The following ACO2 variants were observed in gnomAD, a reference collection of about 807,000 sequenced individuals.
ACO2 encodes the protein aconitate hydratase, mitochondrial.
Under a neutral mutation model 84.5 loss-of-function variants are expected in ACO2, and 31 were observed. The ratio of observed to expected loss-of-function variants is 0.37; its 90% CI spans 0.28 to 0.50. The LOEUF (loss-of-function observed/expected upper bound fraction) is 0.50. Ranked by LOEUF, ACO2 falls within the 20% of genes least tolerant of loss-of-function variation. The probability of loss-of-function intolerance (pLI) is 0.97; values close to 1 mark genes in which losing one functional copy is unlikely to be tolerated. For missense variants in ACO2, 685 were observed against 1,029.3 expected, an observed-to-expected ratio of 0.67 and a Z score of 4.58; for synonymous variants, 414 against 412.7, an observed-to-expected ratio of 1.00 and a Z score of -0.04.
In ACO2 at chr22:41,528,647, A is replaced by C; in HGVS notation, c.*34A>C. The stretch of plus-strand genomic sequence containing the variant: ...CCTCCCCGCCCCGCCGCTGGCGTCA[A>C]GTTCAGCTCCACGTGTGCCATCAGT... On this transcript the variant is annotated 3_prime_UTR_variant, in exon 18 of 18. Coordinates refer to ENST00000216254, the MANE Select transcript of ACO2 (RefSeq NM_001098.3). The C allele has an allele frequency of 6.2e-7, 1 of 1,606,962 alleles. No homozygotes were observed. The highest frequency in any genetic ancestry group is 1.7e-5 in the Admixed American group (1 of 59,884).
intron 1 of ACO2, among the ~76,000 whole-genome samples, chr22:41,474,056 G>T (rs970271789): frequency 1.3e-5 from 2 of 152,132 alleles, no homozygotes; most frequent in African/African-American, 4.8e-5. Context: ...AAAGGAGGAG[G>T]CAGGGAGACC....
At chr22:41,500,935 C>T (rs2066349831) in intron 2 of ACO2, among the ~76,000 whole-genome samples, 1 of 152,008 alleles carries the variant, frequency 6.6e-6, no homozygotes, top group African/African-American at 2.4e-5. Context: ...AACTCCTGAC[C>T]TCAGGTGATC....
chr22:41,496,052 C>T (rs1176033936), intron 1 of ACO2, among the ~76,000 whole-genome samples: 4 of 151,928 alleles, frequency 2.6e-5, no homozygotes, highest in East Asian at 1.9e-4. Context: ...TGGCTCACAC[C>T]TGTAATCCCA....
In ACO2 at chr22:41,523,212, T is replaced by C; in HGVS notation, c.1304T>C (p.Ile435Thr). Residue 435 changes from isoleucine to threonine, a missense_variant, in exon 11 of 18, where the codon ATC (isoleucine) becomes ACC (threonine). By Grantham distance (89) the Ile-to-Thr change is moderately conservative. Transcript: ENST00000216254. ...ATIERDGYAQ[I>T]LRDLGGIVLA... ...TTCCTCTCTCCCTGGCAGGCACAGA[T>C]CTTGAGGGATCTGGGTGGCATTGTC... is the stretch of plus-strand genomic sequence containing the variant. 2 of 1,612,776 alleles carry C rather than the reference T, an allele frequency of 1.2e-6. No individual in the cohort carries two copies. Among genetic ancestry groups the C allele is most frequent in the Middle Eastern group, 1.7e-4 (1 of 6,056 alleles).
chr22:41,478,990 T>C (rs530867365), intron 1 of ACO2, among the ~76,000 whole-genome samples: 6 of 152,282 alleles, frequency 3.9e-5, no homozygotes, highest in Admixed American at 2.0e-4. Flanking sequence ...TCCTTGACCT[T>C]CTGCAGGGCA....
intron 1 of ACO2, among the ~76,000 whole-genome samples, chr22:41,470,528 C>CTT (rs71184811): frequency 0.012 from 1,182 of 95,648 alleles, 92 homozygotes; most frequent in Non-Finnish European, 0.019. Context: ...CTCTTTACAT[C>CTT]TTTTTTTTTT....
chr22:41,527,504 C>T lies in ACO2; in HGVS notation c.2086+84C>T, dbSNP rs1255028940. 8 of 1,530,456 alleles carry T rather than the reference C, an allele frequency of 5.2e-6. No individual in the cohort carries two copies. In the African/African-American group the frequency reaches 9.6e-5, roughly 18 times the overall value. 94.8% of individuals were successfully genotyped at this position (1,530,456 alleles called of 1,614,324 possible). On this transcript the variant is annotated intron_variant, in intron 16 of 17. Transcript: ENST00000216254. ...CTCCCTGCCCGTGGCTGAGTTGGGC[C>T]TGGTTCTAGGCTGTGTCCACTGCAG...
Position 41,515,440 on chromosome 22 carries a change from A to C in ACO2, c.589A>C (p.Asn197His), listed in dbSNP as rs777989591. The C allele has an allele frequency of 9.9e-6, 16 of 1,613,718 alleles. No individual in the cohort carries two copies. The highest frequency in any genetic ancestry group is 1.4e-5 in the Non-Finnish European group (16 of 1,179,936). Residue 197 changes from asparagine to histidine, a missense_variant, in exon 5 of 18, where the codon AAT (asparagine) becomes CAT (histidine). Around this residue, in one of 5 missense-constraint regions of ACO2, gnomAD observed 92 missense variants for 203.7 expected, o/e 0.45. Transcript: ENST00000216254. The surrounding 1 kb of genome is among the most constrained non-coding windows in gnomAD (Gnocchi z 5.8). ...LLIGTDSHTP[N>H]GGGLGGICIG... Reference sequence around the variant, plus strand: ...GATTGGCACTGACTCCCACACCCCCAATGGTGGCGGCCTTGGGGGCATCTG... The same window carrying C: ...GATTGGCACTGACTCCCACACCCCCCATGGTGGCGGCCTTGGGGGCATCTG...
At position 41,508,002 on chromosome 22, in the gene ACO2, C is replaced by G; in HGVS notation, c.385C>G (p.Leu129Val). The change falls in exon 3 of 18, where the codon CTG becomes GTG. Residue 129 changes from leucine (L) to valine (V), a missense_variant. Physicochemically the swap from Leu to Val is conservative, Grantham distance 32. Around this residue, in one of 5 missense-constraint regions of ACO2, gnomAD observed 92 missense variants for 203.7 expected, o/e 0.45. Transcript: ENST00000216254. Reference sequence around the variant, plus strand: ...GCCATCCACCATCCACTGTGACCATCTGATTGAAGCCCAGGTTGGGGGCGA... The same window carrying G: ...GCCATCCACCATCCACTGTGACCATGTGATTGAAGCCCAGGTTGGGGGCGA... ...AVPSTIHCDHLIEAQVGGEKD... is the reference protein window; with the variant it reads ...AVPSTIHCDHVIEAQVGGEKD... The G allele has an allele frequency of 6.2e-7, 1 of 1,613,892 alleles. No homozygotes were observed. The highest frequency in any genetic ancestry group is 8.5e-7 in the Non-Finnish European group (1 of 1,179,760).
At chr22:41,490,194 G>A (rs1334294498) in intron 1 of ACO2, among the ~76,000 whole-genome samples, 2 of 152,068 alleles carry the variant, frequency 1.3e-5, no homozygotes, top group Admixed American at 6.6e-5. Flanking sequence ...GTGGTAGCAC[G>A]TGCCTGTAGT....
At chr22:41,520,857 A>C (rs1272100528) in intron 9 of ACO2, among the ~76,000 whole-genome samples, 2 of 151,284 alleles carry the variant, frequency 1.3e-5, no homozygotes, top group Non-Finnish European at 2.9e-5. Flanking sequence ...AAAAAAAAAA[A>C]ATTGGCCAGG....
In ACO2 at chr22:41,497,517, G is replaced by A. The variant is rs946839699; in HGVS notation, c.37-2209G>A. 2.4e-4 allele frequency among the ~76,000 whole-genome samples: 36 copies of A among 151,910 alleles called. 1 individual carries two copies. Among genetic ancestry groups the A allele is most frequent in the Middle Eastern group, 3.4e-3 (1 of 294 alleles). ...CTGCTTTGGGAGGCTGAGGCGGGAG[G>A]ATTGCTTGAGGCCAGGAGTTTGAAA... On this transcript the variant is annotated intron_variant, in intron 1 of 17. Transcript: ENST00000216254.
At chr22:41,477,455 G>A (rs537256704) in intron 1 of ACO2, among the ~76,000 whole-genome samples, 125 of 151,784 alleles carry the variant, frequency 8.2e-4, no homozygotes, top group Non-Finnish European at 1.1e-3. Flanking sequence ...CACCGCACCC[G>A]ACCTCTTTAG....
In ACO2 at chr22:41,478,726, TC is replaced by T. The variant is rs2038049491; in HGVS notation, c.36+9546del. 2.0e-5 allele frequency among the ~76,000 whole-genome samples: 3 copies of T among 151,802 alleles called. No individual in the cohort carries two copies. The South Asian group carries it at 6.2e-4, about 32-fold the overall frequency. On this transcript the variant is annotated intron_variant, in intron 1 of 17. Coordinates refer to ENST00000216254, the MANE Select transcript of ACO2 (RefSeq NM_001098.3). ...GACTTACCAAAGAGGTATCTAGAGT[TC>T]CTTTAAAACCCCCGCCCTGTCCCTG...
chr22:41,473,071 A>G (rs533687773), intron 1 of ACO2, among the ~76,000 whole-genome samples: 25 of 152,232 alleles, frequency 1.6e-4, no homozygotes, highest in Non-Finnish European at 2.1e-4. Context: ...ACCTTCGCAG[A>G]TATCAGTTGT....
intron 1 of ACO2, among the ~76,000 whole-genome samples, chr22:41,486,699 T>C (rs2038161642): frequency 6.6e-6 from 1 of 151,858 alleles, no homozygotes; most frequent in African/African-American, 2.4e-5. Context: ...CTCGATCTCC[T>C]GACGTTGTGA....
chr22:41,490,094 G>A (rs1192394515), intron 1 of ACO2, among the ~76,000 whole-genome samples: 2 of 152,100 alleles, frequency 1.3e-5, no homozygotes, highest in Admixed American at 6.6e-5. Flanking sequence ...AGGCCCAGGC[G>A]GATGGATCAC....
chr22:41,494,327 AATAT>A (rs1415140917), intron 1 of ACO2, among the ~76,000 whole-genome samples: 1 of 152,054 alleles, frequency 6.6e-6, no homozygotes, highest in East Asian at 1.9e-4. Flanking sequence ...TAGGCCATGT[AATAT>A]ATTCCAGGTG....
chr22:41,523,940 A>T lies in ACO2; in HGVS notation c.1481A>T (p.Glu494Val), dbSNP rs1187486066. 6.2e-7 allele frequency: 1 copy of T among 1,612,886 alleles called. No homozygotes were observed. Among genetic ancestry groups the T allele is most frequent in the Non-Finnish European group, 8.5e-7 (1 of 1,179,736 alleles). Reference protein sequence around the residue: ...PETHAFVTSPEIVTALAIAGT... With the variant: ...PETHAFVTSPVIVTALAIAGT... ...ACCCATGCCTTTGTCACGTCCCCAG[A>T]GGTGAGACTGCCCAGCTGCGCACAA... The change falls in exon 12 of 18, where the codon GAG (glutamate) becomes GTG (valine). Residue 494 changes from glutamate to valine, a missense_variant and splice_region_variant. By Grantham distance (121) the Glu-to-Val change is moderately radical. Coordinates refer to ENST00000216254, the MANE Select transcript of ACO2 (RefSeq NM_001098.3).
Sources: allele counts gnomAD v4.1 joint callset (sites outside exome capture counted in the v4.1 genomes callset), GRCh38; gene constraint gnomAD v4.1.1; regional missense constraint gnomAD v4.1.1; non-coding constraint Gnocchi (gnomAD v3.1); transcripts MANE v1.5; gene names NCBI Gene and HGNC (gene_info 2026-07-23, HGNC 2026-07-21).